ZFAT: variants seen among roughly 807,000 people sequenced by gnomAD.
ZFAT encodes zinc finger protein ZFAT.
A neutral mutation model predicts 117.7 loss-of-function variants in ZFAT; 64 were observed. The ratio of observed to expected loss-of-function variants is 0.54; its 90% CI spans 0.44 to 0.67. ZFAT has a LOEUF of 0.67. Among genes scored for constraint, ZFAT ranks in the 30% least tolerant of loss-of-function variants. The pLI is 0.00. For synonymous variants in ZFAT, 679 were observed against 615.0 expected, an observed-to-expected ratio of 1.10 and a Z score of -1.54; for missense variants, 1,433 against 1,584.5, an observed-to-expected ratio of 0.90 and a Z score of 1.62.
At chr8:134,704,796 A>G (rs1183731762) in intron 1 of ZFAT, among the ~76,000 whole-genome samples, 2 of 152,168 alleles carry the variant, frequency 1.3e-5, no homozygotes, top group African/African-American at 4.8e-5. Context: ...CTGGATATCC[A>G]CGTGCAAGAA....
chr8:134,497,290 T>G (rs1818518705), intron 15 of ZFAT, among the ~76,000 whole-genome samples: 1 of 152,244 alleles, frequency 6.6e-6, no homozygotes. Flanking sequence ...ATGTGAAAAC[T>G]GCATCTCAGA....
the ZFAT span, among the ~76,000 whole-genome samples, chr8:134,770,812 C>T: frequency 6.6e-6 from 1 of 152,138 alleles, no homozygotes; most frequent in African/African-American, 2.4e-5. Context: ...CTAAACTGGG[C>T]CCCCTGGGCG....
chr8:134,783,983 G>T, the ZFAT span: 3 of 152,234 alleles, frequency 2.0e-5, no homozygotes, highest in Admixed American at 6.5e-5. Flanking sequence ...CTCCCCCGGC[G>T]ATTAAATTGA....
At chr8:134,705,591 G>A (rs183678225) in intron 1 of ZFAT, among the ~76,000 whole-genome samples, 1 of 150,824 alleles carries the variant, frequency 6.6e-6, no homozygotes, top group Non-Finnish European at 1.5e-5. Context: ...GTTCAGTGGT[G>A]CAATTTCAGC....
At chr8:134,621,692 A>T (rs1288552467) in intron 3 of ZFAT, among the ~76,000 whole-genome samples, 1 of 152,112 alleles carries the variant, frequency 6.6e-6, no homozygotes, top group Non-Finnish European at 1.5e-5. Context: ...TAAATAATCT[A>T]AAAAAAGTAC....
chr8:134,830,757 C>T, the ZFAT span, among the ~76,000 whole-genome samples: 1 of 152,156 alleles, frequency 6.6e-6, no homozygotes, highest in East Asian at 1.9e-4. Context: ...TCAAAAAATC[C>T]CTATCAGCTT....
the ZFAT span, among the ~76,000 whole-genome samples, chr8:134,771,279 T>G: frequency 6.6e-6 from 1 of 152,300 alleles, no homozygotes; most frequent in African/African-American, 2.4e-5. Context: ...ATCTGGCTGA[T>G]GCTTAAAGAA....
the ZFAT span, chr8:134,793,018 GC>G: frequency 2.0e-5 from 3 of 152,162 alleles, no homozygotes; most frequent in African/African-American, 7.2e-5. Flanking sequence ...GTTTAAAAAA[GC>G]GGGGGTGTGG....
intron 10 of ZFAT, among the ~76,000 whole-genome samples, chr8:134,576,238 G>A (rs1586739200): frequency 6.6e-6 from 1 of 152,190 alleles, no homozygotes; most frequent in East Asian, 1.9e-4. Context: ...TCATTTTATA[G>A]TATGGGCCCA....
rs187533133 is a variant in ZFAT, at chr8:134,529,279, C to G, written c.3115+3555G>C. ...ATGCTCTAGGAGTGAGCAAAAGATT[C>G]ATAAAGCTTAGCACCAAAGTATCTG... On this transcript the variant is annotated intron_variant, in intron 12 of 15. Coordinates refer to ENST00000377838, the MANE Select transcript of ZFAT (RefSeq NM_020863.4). Among the ~76,000 whole-genome samples the G allele has an allele frequency of 2.3e-4, 35 of 152,320 alleles. 2 individuals are homozygous for G. The East Asian group carries it at 6.6e-3, about 29-fold the overall frequency.
Position 134,512,401 on chromosome 8 carries a change from T to C in ZFAT, c.3361+74A>G, listed in dbSNP as rs17761176. The C allele has an allele frequency of 0.22, 352,973 of 1,568,942 alleles. 42,454 individuals carry two copies. The highest frequency in any genetic ancestry group is 0.25 in the Non-Finnish European group (286,611 of 1,152,988). On this transcript the variant is annotated intron_variant, in intron 14 of 15. Coordinates refer to ENST00000377838, the MANE Select transcript of ZFAT (RefSeq NM_020863.4). Reference sequence around the variant, plus strand: ...TAGATCACCTGATGGACATCATTCATCTGCAAACGCATTCATTCAGCATGT... The same window carrying C: ...TAGATCACCTGATGGACATCATTCACCTGCAAACGCATTCATTCAGCATGT...
chr8:134,813,580 T>C, the ZFAT span, among the ~76,000 whole-genome samples: 1 of 152,044 alleles, frequency 6.6e-6, no homozygotes, highest in East Asian at 1.9e-4. Flanking sequence ...GCCCAGCTAA[T>C]GTTTTTGTAT....
chr8:134,705,757 T>C (rs1412557923), intron 1 of ZFAT, among the ~76,000 whole-genome samples: 6 of 151,968 alleles, frequency 3.9e-5, no homozygotes, highest in Admixed American at 3.9e-4. Flanking sequence ...CAAGCTGGTC[T>C]TGAACTCCTG....
the ZFAT span, among the ~76,000 whole-genome samples, chr8:134,728,917 T>C: frequency 6.6e-6 from 1 of 152,204 alleles, no homozygotes; most frequent in Admixed American, 6.5e-5. Flanking sequence ...CAGTTACTCA[T>C]TCTGGATTTT....
At chr8:134,806,740 G>A in the ZFAT span, among the ~76,000 whole-genome samples, 1 of 152,180 alleles carries the variant, frequency 6.6e-6, no homozygotes, top group Non-Finnish European at 1.5e-5. Flanking sequence ...TTTGTCAAAT[G>A]CTATGACTTT....
chr8:134,806,133 C>T, the ZFAT span, among the ~76,000 whole-genome samples: 8 of 152,168 alleles, frequency 5.3e-5, no homozygotes, highest in Non-Finnish European at 1.2e-4. Context: ...TGCATATGTA[C>T]ACACACACTC....
chr8:134,649,165 T>A (rs72719798), intron 2 of ZFAT, among the ~76,000 whole-genome samples: 25,499 of 76,934 alleles, frequency 0.33, 2,411 homozygotes, highest in Non-Finnish European at 0.42. Context: ...CATCTATCTC[T>A]CACACACACA....
the ZFAT span, among the ~76,000 whole-genome samples, chr8:134,758,917 T>C: frequency 6.6e-6 from 1 of 152,078 alleles, no homozygotes; most frequent in Non-Finnish European, 1.5e-5. Flanking sequence ...GATGTGGTGC[T>C]CCACCTTTGG....
At chr8:134,748,773 T>C in the ZFAT span, among the ~76,000 whole-genome samples, 1 of 152,218 alleles carries the variant, frequency 6.6e-6, no homozygotes, top group Non-Finnish European at 1.5e-5. Flanking sequence ...TGTGTAGTTG[T>C]ATTATGTTAT....
Sources: gnomAD v4.1 joint callset for allele counts (sites outside exome capture counted in the v4.1 genomes callset) on GRCh38, gnomAD v4.1.1 for gene constraint, MANE v1.5 for transcripts, NCBI Gene and HGNC (gene_info 2026-07-23, HGNC 2026-07-21) for gene names.